DCC: variants seen among roughly 807,000 people sequenced by gnomAD.
DCC encodes DCC netrin 1 receptor.
A neutral mutation model predicts 172.5 loss-of-function variants in DCC; 58 were observed. The observed-to-expected ratio is 0.34, with a 90% CI of 0.27 to 0.42. The LOEUF is 0.42. Among genes scored for constraint, DCC ranks in the 10% least tolerant of loss-of-function variants. The pLI is 1.00. For missense variants in DCC, 1,740 were observed against 1,791.0 expected (o/e 0.97, Z 0.51); for synonymous variants, 709 against 644.5 (o/e 1.10, Z -1.52).
chr18:53,243,351 A>G (rs2056327214), intron 12 of DCC, among the ~76,000 whole-genome samples: 1 of 152,134 alleles, frequency 6.6e-6, no homozygotes, highest in Non-Finnish European at 1.5e-5. Flanking sequence ...CCAAACCCTG[A>G]GAGTTCAGGA....
intron 1 of DCC, among the ~76,000 whole-genome samples, chr18:52,606,027 A>G: frequency 6.6e-6 from 1 of 152,112 alleles, no homozygotes; most frequent in Admixed American, 6.6e-5. Context: ...CCTAAGTTTC[A>G]CTATCCAGTG....
At chr18:53,257,694 A>G (rs184914854) in intron 12 of DCC, among the ~76,000 whole-genome samples, 1 of 152,148 alleles carries the variant, frequency 6.6e-6, no homozygotes, top group Admixed American at 6.5e-5. Flanking sequence ...TGTCTCTGCC[A>G]GGCTTTGGTA....
chr18:52,804,539 G>A (rs1481974394), intron 2 of DCC, among the ~76,000 whole-genome samples: 1 of 152,118 alleles, frequency 6.6e-6, no homozygotes, highest in Non-Finnish European at 1.5e-5. Flanking sequence ...TTCCCCCAAG[G>A]TCATAAAGCT....
intron 27 of DCC, among the ~76,000 whole-genome samples, chr18:53,504,531 T>C (rs1052615951): frequency 3.3e-5 from 5 of 152,188 alleles, no homozygotes; most frequent in African/African-American, 2.4e-5. Flanking sequence ...TTGGTAGACA[T>C]CTCCTTGAAA....
In DCC at chr18:52,340,684, G is replaced by A. The variant is rs949339641; in HGVS notation, c.-104G>A. ...GGACGAGGAGGAGGAGGAAGCCGAA[G>A]GGGCTCGGCGCGTGTGTGTGCATGT... On this transcript the variant is annotated 5_prime_UTR_variant, in exon 1 of 29. Coordinates refer to ENST00000442544, the MANE Select transcript of DCC (RefSeq NM_005215.4). 4 of 849,590 alleles carry A rather than the reference G, an allele frequency of 4.7e-6. No individual in the cohort carries two copies. In the African/African-American group the frequency reaches 6.6e-5, roughly 14 times the overall value. 52.6% of individuals were successfully genotyped at this position (849,590 alleles called of 1,614,324 possible). A position where few individuals can be genotyped will look rare whatever the true frequency, so the allele number is the denominator to read the frequency against.
chr18:52,723,721 C>T (rs965411246), intron 1 of DCC, among the ~76,000 whole-genome samples: 1 of 152,020 alleles, frequency 6.6e-6, no homozygotes, highest in East Asian at 1.9e-4. Flanking sequence ...AGGGGCCCAG[C>T]CAAGTAGACT....
intron 1 of DCC, among the ~76,000 whole-genome samples, chr18:52,366,627 T>C (rs1485311330): frequency 2.0e-5 from 3 of 151,476 alleles, no homozygotes; most frequent in African/African-American, 7.3e-5. Context: ...AACCTTGAGC[T>C]AAACACAGGG....
intron 1 of DCC, among the ~76,000 whole-genome samples, chr18:52,373,636 G>A (rs1985218605): frequency 6.6e-6 from 1 of 152,130 alleles, no homozygotes; most frequent in African/African-American, 2.4e-5. Context: ...CATTACATGT[G>A]AAGGTTAGAG....
intron 20 of DCC, 28 bp downstream of exon 20, chr18:53,410,674 C>G: frequency 1.5e-6 from 2 of 1,373,668 alleles, no homozygotes; most frequent in Non-Finnish European, 1.0e-6. Flanking sequence ...TTATGCTTTT[C>G]TTTTCCTGTG....
chr18:52,786,909 A>G (rs895954434), intron 2 of DCC, among the ~76,000 whole-genome samples: 3 of 152,122 alleles, frequency 2.0e-5, no homozygotes, highest in African/African-American at 7.2e-5. Context: ...CCAGTTTTCC[A>G]ATTGTGTCCC....
At chr18:52,903,607 T>A (rs1279076069) in intron 2 of DCC, among the ~76,000 whole-genome samples, 1 of 152,232 alleles carries the variant, frequency 6.6e-6, no homozygotes, top group Non-Finnish European at 1.5e-5. Context: ...TAAAATTTTA[T>A]TCTCACCTAC....
At chr18:52,843,898 C>T (rs1481687704) in intron 2 of DCC, among the ~76,000 whole-genome samples, 1 of 152,098 alleles carries the variant, frequency 6.6e-6, no homozygotes, top group Non-Finnish European at 1.5e-5. Context: ...TGTGGGCTGA[C>T]TCATTTTTCA....
intron 12 of DCC, among the ~76,000 whole-genome samples, chr18:53,262,583 C>A (rs1326759237): frequency 6.6e-6 from 1 of 152,148 alleles, no homozygotes; most frequent in Non-Finnish European, 1.5e-5. Flanking sequence ...AAAGGTGATC[C>A]AACTCAAAGG....
intron 2 of DCC, among the ~76,000 whole-genome samples, chr18:52,768,420 A>G (rs1204966977): frequency 6.6e-6 from 1 of 152,176 alleles, no homozygotes; most frequent in Admixed American, 6.5e-5. Context: ...AACACAGGTC[A>G]GGGCTGCTGA....
intron 12 of DCC, among the ~76,000 whole-genome samples, chr18:53,259,714 T>C (rs568415247): frequency 1.3e-5 from 2 of 152,294 alleles, no homozygotes; most frequent in African/African-American, 4.8e-5. Context: ...TGGAGGAGTA[T>C]CTTTGTGGTG....
chr18:53,010,105 A>T (rs1051992461), intron 5 of DCC, among the ~76,000 whole-genome samples: 2 of 151,986 alleles, frequency 1.3e-5, no homozygotes, highest in African/African-American at 4.8e-5. Flanking sequence ...TGTTGCAATT[A>T]ATCTCTGCAA....
chr18:53,462,702 AG>A (rs1343467935), intron 24 of DCC, among the ~76,000 whole-genome samples: 2 of 152,100 alleles, frequency 1.3e-5, no homozygotes, highest in East Asian at 3.8e-4. Context: ...GGTGCCAAAA[AG>A]GTTGGGAATG....
chr18:52,464,672 C>T (rs1335486184), intron 1 of DCC, among the ~76,000 whole-genome samples: 1 of 152,098 alleles, frequency 6.6e-6, no homozygotes, highest in Non-Finnish European at 1.5e-5. Flanking sequence ...ACATTCCTTT[C>T]AACTTGAGTT....
At chr18:53,179,214 C>T (rs999016088) in intron 9 of DCC, 98 bp downstream of exon 9, 54 of 1,226,614 alleles carry the variant, frequency 4.4e-5, no homozygotes, top group African/African-American at 3.9e-4. Context: ...GTGACAAAAG[C>T]GAAGAAGAGT....
Sources: allele counts gnomAD v4.1 joint callset (sites outside exome capture counted in the v4.1 genomes callset), GRCh38; gene constraint gnomAD v4.1.1; transcripts MANE v1.5; gene names NCBI Gene and HGNC (gene_info 2026-07-23, HGNC 2026-07-21).